LUZP2: variants seen among roughly 807,000 people sequenced by gnomAD.
The protein encoded by LUZP2 is leucine zipper protein 2.
LUZP2 carries 52 observed loss-of-function variants against 51.6 expected under a neutral mutation model. That is an observed-to-expected ratio of 1.01 (90% CI 0.81 to 1.27). LUZP2 has a LOEUF of 1.27. LUZP2 is among the 50% of genes most tolerant of loss of function. LUZP2 has a pLI of 0.00. For synonymous variants in LUZP2, 154 were observed against 137.3 expected, an observed-to-expected ratio of 1.12 and a Z score of -0.85; for missense variants, 436 against 395.4, an observed-to-expected ratio of 1.10 and a Z score of -0.87.
chr11:24,825,356 T>C (rs1250991847), intron 5 of LUZP2, among the ~76,000 whole-genome samples: 2 of 152,140 alleles, frequency 1.3e-5, no homozygotes, highest in African/African-American at 4.8e-5. Flanking sequence ...TCTCTCAAAT[T>C]GAAAACCCAA....
At chr11:24,767,200 C>T (rs1271764654) in intron 5 of LUZP2, among the ~76,000 whole-genome samples, 2 of 152,128 alleles carry the variant, frequency 1.3e-5, no homozygotes, top group Non-Finnish European at 2.9e-5. Context: ...TATAAGATTT[C>T]CTATATGCAA....
intron 5 of LUZP2, among the ~76,000 whole-genome samples, chr11:24,816,666 A>G (rs1850192705): frequency 6.6e-6 from 1 of 152,098 alleles, no homozygotes; most frequent in Non-Finnish European, 1.5e-5. Flanking sequence ...TGTTTTACAA[A>G]CATTAGTTAT....
intron 1 of LUZP2, among the ~76,000 whole-genome samples, chr11:24,658,417 A>T (rs1324271853): frequency 1.3e-5 from 2 of 152,196 alleles, no homozygotes; most frequent in East Asian, 3.8e-4. Context: ...CTTATAGAAA[A>T]ATTAATTCAA....
intron 1 of LUZP2, among the ~76,000 whole-genome samples, chr11:24,643,270 A>G (rs941784066): frequency 5.3e-5 from 8 of 150,704 alleles, no homozygotes; most frequent in African/African-American, 1.9e-4. Flanking sequence ...AAAAAAAAAA[A>G]AAAAAAATTA....
At chr11:24,816,782 A>T (rs1275662157) in intron 5 of LUZP2, among the ~76,000 whole-genome samples, 2 of 152,064 alleles carry the variant, frequency 1.3e-5, no homozygotes, top group African/African-American at 4.8e-5. Flanking sequence ...TATTGTTTCC[A>T]CTTTGCTGAT....
At chr11:24,729,048 C>CTT in intron 1 of LUZP2, 121 bp from the exon 2 acceptor site, 1 of 492,922 alleles carries the variant, frequency 2.0e-6, no homozygotes. Context: ...ACAACAAAAC[C>CTT]ATCTTAGTAA....
At chr11:24,722,029 A>G (rs1476464386) in intron 1 of LUZP2, among the ~76,000 whole-genome samples, 1 of 152,206 alleles carries the variant, frequency 6.6e-6, no homozygotes, top group Non-Finnish European at 1.5e-5. Context: ...ACTGCAAAAT[A>G]TTGGGATTTA....
At chr11:24,676,539 T>G (rs1038168068) in intron 1 of LUZP2, among the ~76,000 whole-genome samples, 32 of 152,326 alleles carry the variant, frequency 2.1e-4, no homozygotes, top group African/African-American at 7.5e-4. Context: ...TAAAACTGTC[T>G]GTTACAAATA....
At chr11:24,638,010 G>C (rs1381612020) in intron 1 of LUZP2, among the ~76,000 whole-genome samples, 1 of 151,686 alleles carries the variant, frequency 6.6e-6, no homozygotes, top group African/African-American at 2.4e-5. Flanking sequence ...CGAAGTCCCA[G>C]CTATAAAATT....
intron 2 of LUZP2, among the ~76,000 whole-genome samples, chr11:24,730,189 A>G (rs1245752583): frequency 6.6e-6 from 1 of 151,668 alleles, no homozygotes; most frequent in African/African-American, 2.4e-5. Flanking sequence ...CTTATTGAAC[A>G]TGGTCAAGGT....
chr11:24,509,309 T>C (rs1012961340), intron 1 of LUZP2, among the ~76,000 whole-genome samples: 16 of 152,060 alleles, frequency 1.1e-4, no homozygotes, highest in African/African-American at 3.9e-4. Flanking sequence ...CCACTGGTAA[T>C]CAGAAGATGG....
At chr11:24,976,519 T>C in intron 7 of LUZP2, 72 bp from the exon 8 acceptor site, 3 of 911,850 alleles carry the variant, frequency 3.3e-6, no homozygotes, top group Non-Finnish European at 4.9e-6. Context: ...TCTTTGGCAA[T>C]ATATGACAGA....
At chr11:24,586,122 G>A (rs936371959) in intron 1 of LUZP2, among the ~76,000 whole-genome samples, 1 of 152,044 alleles carries the variant, frequency 6.6e-6, no homozygotes, top group Non-Finnish European at 1.5e-5. Flanking sequence ...GAGAATTGAT[G>A]TGAGAAAGGA....
chr11:24,747,475 G>A (rs1046574557), intron 4 of LUZP2, among the ~76,000 whole-genome samples: 4 of 152,138 alleles, frequency 2.6e-5, no homozygotes, highest in Non-Finnish European at 5.9e-5. Flanking sequence ...TGCACTCTGT[G>A]AGGGTTCTTA....
intron 10 of LUZP2, among the ~76,000 whole-genome samples, chr11:25,075,183 G>A (rs1383796841): frequency 6.6e-6 from 1 of 152,128 alleles, no homozygotes; most frequent in East Asian, 1.9e-4. Flanking sequence ...TCCTTAGGCG[G>A]TGTAGAAGAT....
chr11:24,646,239 A>G lies in LUZP2; in HGVS notation c.63-82930A>G, dbSNP rs186796420. On this transcript the variant is annotated intron_variant, in intron 1 of 11. Transcript: ENST00000336930. ...CACAGTGTGCGTGTAAAAATGAGAAAGTAATACTGATATTAGATATCTGAT... is the reference window on the plus strand; with the variant it reads ...CACAGTGTGCGTGTAAAAATGAGAAGGTAATACTGATATTAGATATCTGAT... Among the ~76,000 whole-genome samples, 386 of 152,236 alleles carry G rather than the reference A, an allele frequency of 2.5e-3. 2 individuals carry two copies. Among genetic ancestry groups the G allele is most frequent in the African/African-American group, 9.0e-3 (376 of 41,562 alleles).
chr11:24,815,155 A>G (rs113367752), intron 5 of LUZP2, among the ~76,000 whole-genome samples: 5,622 of 152,262 alleles, frequency 0.037, 302 homozygotes, highest in African/African-American at 0.12. Context: ...AAGGTGTTCA[A>G]TTCTTCATAA....
chr11:24,829,607 C>G lies in LUZP2; in HGVS notation c.396+66299C>G, dbSNP rs7951265. 1.0e-2 allele frequency among the ~76,000 whole-genome samples: 1,516 copies of G among 152,226 alleles called. 16 individuals are homozygous for G. The highest frequency in any genetic ancestry group is 0.034 in the African/African-American group (1,421 of 41,520). On this transcript the variant is annotated intron_variant, in intron 5 of 11. Coordinates refer to ENST00000336930, the MANE Select transcript of LUZP2 (RefSeq NM_001009909.4). Reference sequence around the variant, plus strand: ...AATCTTAACATTGATTGGCTATAGCCATTGCTGCATTGCTGTGATAAGGGT... The same window carrying G: ...AATCTTAACATTGATTGGCTATAGCGATTGCTGCATTGCTGTGATAAGGGT...
chr11:25,049,168 C>G (rs1232181145), intron 9 of LUZP2, among the ~76,000 whole-genome samples: 1 of 152,112 alleles, frequency 6.6e-6, no homozygotes, highest in African/African-American at 2.4e-5. Context: ...TAGTTTTCCT[C>G]GACCCCTAAT....
Sources: gnomAD v4.1 joint callset for allele counts (sites outside exome capture counted in the v4.1 genomes callset) on GRCh38, gnomAD v4.1.1 for gene constraint, MANE v1.5 for transcripts, NCBI Gene and HGNC (gene_info 2026-07-23, HGNC 2026-07-21) for gene names.